The following CELF2 variants were observed in gnomAD, a reference collection of about 807,000 sequenced individuals.
The protein encoded by CELF2 is CUGBP Elav-like family member 2.
Under a neutral mutation model 62.6 loss-of-function variants are expected in CELF2, and 8 were observed. The ratio of observed to expected loss-of-function variants is 0.13; its 90% CI spans 0.07 to 0.23. The LOEUF is 0.23. Ranked by LOEUF, CELF2 falls within the 10% of genes least tolerant of loss-of-function variation. The pLI is 1.00. For missense variants in CELF2, 333 were observed against 671.0 expected, an observed-to-expected ratio of 0.50 and a Z score of 5.56; for synonymous variants, 258 against 250.0, an observed-to-expected ratio of 1.03 and a Z score of -0.30.
intron 1 of CELF2, among the ~76,000 whole-genome samples, chr10:11,103,136 T>C (rs1364357468): frequency 6.6e-6 from 1 of 152,192 alleles, no homozygotes; most frequent in African/African-American, 2.4e-5. Context: ...CAACCTCTTG[T>C]TGAGTGACTT....
At chr10:11,186,579 C>A (rs1318495554) in intron 2 of CELF2, among the ~76,000 whole-genome samples, 2 of 151,922 alleles carry the variant, frequency 1.3e-5, no homozygotes, top group Admixed American at 6.6e-5. Flanking sequence ...CTTCTTTGAC[C>A]TGTGGGTTAT....
At chr10:10,562,196 C>G in the CELF2 span, among the ~76,000 whole-genome samples, 1 of 152,174 alleles carries the variant, frequency 6.6e-6, no homozygotes, top group Non-Finnish European at 1.5e-5. Flanking sequence ...AAACAACACA[C>G]ACACCCTCTG....
intron 2 of CELF2, among the ~76,000 whole-genome samples, chr10:11,199,841 A>G (rs926210968): frequency 6.6e-6 from 1 of 152,224 alleles, no homozygotes; most frequent in Non-Finnish European, 1.5e-5. Context: ...CTAATAAGAT[A>G]AAACCAGTCA....
the CELF2 span, among the ~76,000 whole-genome samples, chr10:10,666,888 A>G: frequency 2.6e-5 from 2 of 75,618 alleles, 1 homozygote; most frequent in East Asian, 5.8e-4. Flanking sequence ...AAGAAAAAAA[A>G]AAAGAAAGAA....
the CELF2 span, among the ~76,000 whole-genome samples, chr10:10,773,617 G>A: frequency 6.6e-6 from 1 of 152,062 alleles, no homozygotes; most frequent in Non-Finnish European, 1.5e-5. Context: ...TGATTTGAGT[G>A]GTATTTCAAC....
In CELF2 at chr10:11,116,354, G is replaced by C. The variant is rs151026114; in HGVS notation, c.75-49132G>C. Among the ~76,000 whole-genome samples, 1,513 of 152,330 alleles carry C rather than the reference G, an allele frequency of 9.9e-3. 14 individuals carry two copies. Among genetic ancestry groups the C allele is most frequent in the Non-Finnish European group, 0.015 (1,049 of 68,028 alleles). On this transcript the variant is annotated intron_variant, in intron 1 of 12. Coordinates refer to ENST00000633077, the MANE Select transcript of CELF2 (RefSeq NM_001326342.2). ...GTTGACTTAGTTTGACAAGAAATCTGTGCATGTTTACAAACTTAACATGGT... is the reference window on the plus strand; with the variant it reads ...GTTGACTTAGTTTGACAAGAAATCTCTGCATGTTTACAAACTTAACATGGT...
intron 1 of CELF2, among the ~76,000 whole-genome samples, chr10:10,895,525 T>G (rs767776976): frequency 9.2e-5 from 14 of 151,938 alleles, no homozygotes; most frequent in Admixed American, 1.3e-4. Flanking sequence ...ATCTGAAAAA[T>G]TTTCAGCCTA....
chr10:11,148,119 G>A lies in CELF2; in HGVS notation c.75-17367G>A, dbSNP rs535545693. 5.9e-5 allele frequency among the ~76,000 whole-genome samples: 9 copies of A among 152,320 alleles called. No homozygotes were observed. The South Asian group carries it at 1.9e-3, about 32-fold the overall frequency. On this transcript the variant is annotated intron_variant, in intron 1 of 12. Coordinates refer to ENST00000633077, the MANE Select transcript of CELF2 (RefSeq NM_001326342.2). The stretch of plus-strand genomic sequence containing the variant: ...AGAAGAACGTGGCTTGATAAGGAAG[G>A]GGCTCCTCTGTTTTTTCTAAATGTG...
intron 7 of CELF2, among the ~76,000 whole-genome samples, chr10:11,272,647 T>C (rs1442864588): frequency 6.6e-6 from 1 of 152,184 alleles, no homozygotes; most frequent in East Asian, 1.9e-4. Flanking sequence ...TAGAAACATG[T>C]TTTTAGAAGT....
the CELF2 span, among the ~76,000 whole-genome samples, chr10:10,663,568 A>C: frequency 2.0e-5 from 3 of 152,218 alleles, no homozygotes; most frequent in Non-Finnish European, 4.4e-5. Context: ...AAATACTGAA[A>C]GTTCACTATT....
chr10:10,763,059 T>A, the CELF2 span, among the ~76,000 whole-genome samples: 1 of 152,240 alleles, frequency 6.6e-6, no homozygotes, highest in Admixed American at 6.5e-5. Flanking sequence ...GATTTCTACA[T>A]GCGATCTCTG....
chr10:10,566,819 CA>C, the CELF2 span, among the ~76,000 whole-genome samples: 1 of 152,132 alleles, frequency 6.6e-6, no homozygotes, highest in South Asian at 2.1e-4. Context: ...GTTATCAAAA[CA>C]CTGCTAGAGA....
At chr10:11,105,863 C>T (rs2053293121) in intron 1 of CELF2, among the ~76,000 whole-genome samples, 1 of 152,184 alleles carries the variant, frequency 6.6e-6, no homozygotes, top group African/African-American at 2.4e-5. Flanking sequence ...ATACGATACC[C>T]CAGTCACACT....
rs1042817115 is a variant in CELF2, at chr10:11,260,342, C to A, written c.538+2470C>A. 6.6e-6 allele frequency among the ~76,000 whole-genome samples: 1 copy of A among 152,240 alleles called. No individual in the cohort carries two copies. The highest frequency in any genetic ancestry group is 1.5e-5 in the Non-Finnish European group (1 of 68,044). On this transcript the variant is annotated intron_variant, in intron 5 of 12. Coordinates refer to ENST00000633077, the MANE Select transcript of CELF2 (RefSeq NM_001326342.2). This position sits in a 1 kb window ranked among gnomAD's most constrained non-coding sequence, Gnocchi z 4.2. ...AGGCAGTGACTCTCTGGCACATTTT[C>A]TCTGTCTGTCCAGTGGGGACAGTAA...
chr10:11,142,345 G>A (rs2061482798), intron 1 of CELF2, among the ~76,000 whole-genome samples: 2 of 152,154 alleles, frequency 1.3e-5, no homozygotes, highest in South Asian at 4.1e-4. Context: ...GAAAGTATCA[G>A]TTGGATCCAG....
chr10:11,171,409 G>C (rs1365121562), intron 2 of CELF2: 1 of 152,374 alleles, frequency 6.6e-6, no homozygotes, highest in Non-Finnish European at 1.5e-5. Context: ...CATCTTAAAG[G>C]CTTTACTTCA....
At chr10:11,033,213 G>T (rs2060404968) in intron 1 of CELF2, among the ~76,000 whole-genome samples, 1 of 151,242 alleles carries the variant, frequency 6.6e-6, no homozygotes, top group Admixed American at 6.6e-5. Flanking sequence ...TACATCTCAT[G>T]AATTCTTTCT....
chr10:10,527,693 C>G, the CELF2 span, among the ~76,000 whole-genome samples: 20 of 152,172 alleles, frequency 1.3e-4, no homozygotes, highest in Admixed American at 1.3e-3. Context: ...ATTGAAGAAC[C>G]AGTCATTGCC....
chr10:10,924,384 G>A (rs1029470898), intron 2 of CELF2, among the ~76,000 whole-genome samples: 2 of 148,566 alleles, frequency 1.3e-5, no homozygotes, highest in Non-Finnish European at 3.0e-5. Context: ...TTGAAAAAAA[G>A]GGAGCATTTT....
Sources: allele counts gnomAD v4.1 joint callset (sites outside exome capture counted in the v4.1 genomes callset), GRCh38; gene constraint gnomAD v4.1.1; non-coding constraint Gnocchi (gnomAD v3.1); transcripts MANE v1.5; gene names NCBI Gene and HGNC (gene_info 2026-07-23, HGNC 2026-07-21).